The following PDGFRB variants were observed in gnomAD, a reference collection of about 807,000 sequenced individuals.
PDGFRB encodes the protein platelet derived growth factor receptor beta.
Under a neutral mutation model 120.2 loss-of-function variants are expected in PDGFRB, and 42 were observed. That is an observed-to-expected ratio of 0.35 (90% confidence interval 0.27 to 0.45). The LOEUF (loss-of-function observed/expected upper bound fraction) is 0.45. Ranked by LOEUF, PDGFRB falls within the 20% of genes least tolerant of loss-of-function variation. The pLI is 1.00. For synonymous variants in PDGFRB, 586 were observed against 606.8 expected, an observed-to-expected ratio of 0.97 and a Z score of 0.50; for missense variants, 1,149 against 1,476.3, an observed-to-expected ratio of 0.78 and a Z score of 3.63.
intron 10 of PDGFRB, among the ~76,000 whole-genome samples, chr5:150,128,441 C>T (rs1251072860): frequency 6.6e-6 from 1 of 152,262 alleles, no homozygotes; most frequent in Non-Finnish European, 1.5e-5. Flanking sequence ...CAAGATGCCT[C>T]ACATGGCCTT....
intron 4 of PDGFRB, 157 bp from the exon 5 acceptor site, chr5:150,134,165 G>A (rs542866274): frequency 1.4e-6 from 1 of 691,642 alleles, no homozygotes; most frequent in African/African-American, 1.7e-5. Flanking sequence ...TACATGCCAA[G>A]TACTATTCTG....
chr5:150,140,406 C>T (rs932534552), intron 1 of PDGFRB, among the ~76,000 whole-genome samples: 1 of 152,164 alleles, frequency 6.6e-6, no homozygotes, highest in African/African-American at 2.4e-5. Context: ...CCCAGGGAGG[C>T]CTCTAGAGCA....
intron 22 of PDGFRB, 142 bp downstream of exon 22, chr5:150,117,476 G>T: frequency 1.7e-6 from 1 of 574,158 alleles, no homozygotes; most frequent in Non-Finnish European, 3.1e-6. Context: ...TCTATTCATT[G>T]GTAGGGATAA....
At chr5:150,116,016 A>T (rs1437611825) in intron 22 of PDGFRB, 70 bp from the exon 23 acceptor site, 7 of 1,415,432 alleles carry the variant, frequency 4.9e-6, no homozygotes, top group Non-Finnish European at 6.7e-6. Context: ...AGTCATGAAG[A>T]GCCTTCGGTG....
intron 1 of PDGFRB, among the ~76,000 whole-genome samples, chr5:150,152,377 C>G (rs529220870): frequency 6.6e-6 from 1 of 152,294 alleles, no homozygotes; most frequent in East Asian, 1.9e-4. Flanking sequence ...TCATCATGCT[C>G]ACACTGCTTC....
chr5:150,140,872 C>T (rs72832182), intron 1 of PDGFRB, among the ~76,000 whole-genome samples: 12,846 of 152,214 alleles, frequency 0.084, 701 homozygotes, highest in East Asian at 0.24. Context: ...GTACAATTCT[C>T]CACTCCTTTC....
At chr5:150,138,256 T>C (rs1760692473) in intron 1 of PDGFRB, among the ~76,000 whole-genome samples, 1 of 152,180 alleles carries the variant, frequency 6.6e-6, no homozygotes, top group South Asian at 2.1e-4. Context: ...CTGCCCAGCC[T>C]GGCCTGCCTC....
intron 22 of PDGFRB, among the ~76,000 whole-genome samples, chr5:150,116,222 G>C (rs1360601561): frequency 1.3e-5 from 2 of 152,176 alleles, no homozygotes; most frequent in Non-Finnish European, 2.9e-5. Flanking sequence ...TCACCCACCA[G>C]CATCTCCCTC....
At chr5:150,124,608 G>A (rs1408971147) in intron 13 of PDGFRB, 119 bp downstream of exon 13, 2 of 629,832 alleles carry the variant, frequency 3.2e-6, no homozygotes, top group African/African-American at 3.7e-5. Flanking sequence ...CTGCTGCAGT[G>A]TGATGGCCCC....
chr5:150,117,517 C>G (rs1244721091), intron 22 of PDGFRB, 101 bp downstream of exon 22: 3 of 690,778 alleles, frequency 4.3e-6, no homozygotes, highest in South Asian at 1.8e-5. Context: ...ACCTCTGAGG[C>G]AAACCTGGCA....
At position 150,129,816 on chromosome 5, in the gene PDGFRB, C is replaced by T. The variant is rs145823245; in HGVS notation, c.1520G>A (p.Arg507His). 444 of 1,614,030 alleles carry T rather than the reference C, an allele frequency of 2.8e-4. 2 individuals carry two copies. The highest frequency in any genetic ancestry group is 1.3e-3 in the South Asian group (118 of 91,082). Reference protein sequence around the residue: ...LQHVDRPLSVRCTLRNAVGQD... With the variant: ...LQHVDRPLSVHCTLRNAVGQD... ...GCCCACAGCGTTGCGCAGCGTGCAG[C>T]GCACCGACAGTGGCCGATCCACGTG... is the stretch of plus-strand genomic sequence containing the variant. The change falls in exon 10 of 23, where the codon CGC becomes CAC. Residue 507 changes from arginine (R) to histidine (H), a missense_variant. Physicochemically the swap from Arg to His is conservative, Grantham distance 29. Transcript: ENST00000261799.
Position 150,119,956 on chromosome 5 carries a change from G to A in PDGFRB, c.2698+56C>T, listed in dbSNP as rs1368351859. On this transcript the variant is annotated intron_variant, in intron 19 of 22. Coordinates refer to ENST00000261799, the MANE Select transcript of PDGFRB (RefSeq NM_002609.4). Reference sequence around the variant, plus strand: ...GCCCCACCAGGCCAGAGGCATGAGTGGTCGAGGTAGACACCAGGCCAGGAT... The same window carrying A: ...GCCCCACCAGGCCAGAGGCATGAGTAGTCGAGGTAGACACCAGGCCAGGAT... 5.6e-6 allele frequency: 5 copies of A among 894,772 alleles called. No homozygotes were observed. The East Asian group carries it at 9.6e-5, about 17-fold the overall frequency. 55.4% of individuals were successfully genotyped at this position (894,772 alleles called of 1,614,324 possible). A position where few individuals can be genotyped will look rare whatever the true frequency, so the allele number is the denominator to read the frequency against.
At position 150,114,802 on chromosome 5, in the gene PDGFRB, C is replaced by T. The variant is rs193195949; in HGVS notation, c.*961G>A. 1.9e-4 allele frequency: 45 copies of T among 233,554 alleles called. No homozygotes were observed. The highest frequency in any genetic ancestry group is 1.5e-3 in the Admixed American group (27 of 17,772). 14.5% of individuals were successfully genotyped at this position (233,554 alleles called of 1,614,324 possible). ...GCAAGGCACTCAGAGTTAATAAGTC[C>T]GACTTATTCATTTTTTGAAGGGGAA... On this transcript the variant is annotated 3_prime_UTR_variant, in exon 23 of 23. Coordinates refer to ENST00000261799, the MANE Select transcript of PDGFRB (RefSeq NM_002609.4).
chr5:150,119,580 G>A lies in PDGFRB; in HGVS notation c.2699-14C>T, dbSNP rs369910127. ...AAGGGGTGCCACCTGTTGGGGAGCA[G>A]AGACAAGAGATACACAGGCTCAGGG... is the stretch of plus-strand genomic sequence containing the variant. On this transcript the variant is annotated splice_polypyrimidine_tract_variant and intron_variant, in intron 19 of 22. Coordinates refer to ENST00000261799, the MANE Select transcript of PDGFRB (RefSeq NM_002609.4). 9 of 1,504,344 alleles carry A rather than the reference G, an allele frequency of 6.0e-6. No homozygotes were observed. The highest frequency in any genetic ancestry group is 7.4e-6 in the Non-Finnish European group (8 of 1,079,720). The allele number at this position is 1,504,344 out of a possible 1,614,324, so 93.2% of individuals were successfully genotyped here. A position where few individuals can be genotyped will look rare whatever the true frequency, so the allele number is the denominator to read the frequency against.
chr5:150,137,984 G>A (rs897222668), intron 1 of PDGFRB, among the ~76,000 whole-genome samples: 2 of 152,200 alleles, frequency 1.3e-5, no homozygotes, highest in Admixed American at 6.5e-5. Flanking sequence ...CAGAAGCAAG[G>A]ACAAAGACAG....
intron 1 of PDGFRB, among the ~76,000 whole-genome samples, chr5:150,141,353 C>T (rs1760779033): frequency 6.6e-6 from 1 of 152,258 alleles, no homozygotes; most frequent in African/African-American, 2.4e-5. Flanking sequence ...GCCCGTGTTA[C>T]TGCACCAGGA....
chr5:150,142,784 CAAT>C (rs1014257066), intron 1 of PDGFRB, among the ~76,000 whole-genome samples: 8 of 152,012 alleles, frequency 5.3e-5, no homozygotes, highest in Non-Finnish European at 8.8e-5. Flanking sequence ...AGATGAACAA[CAAT>C]AATAATAAAA....
chr5:150,115,731 G>C lies in PDGFRB; in HGVS notation c.*32C>G, dbSNP rs762746736. On this transcript the variant is annotated 3_prime_UTR_variant, in exon 23 of 23. Coordinates refer to ENST00000261799, the MANE Select transcript of PDGFRB (RefSeq NM_002609.4). ...GATGCTGGGTGCTGGCAGGGGGGGAGCTTCAGGCAGGGCAGGGTAGGGGCC... is the reference window on the plus strand; with the variant it reads ...GATGCTGGGTGCTGGCAGGGGGGGACCTTCAGGCAGGGCAGGGTAGGGGCC... 9.1e-6 allele frequency: 14 copies of C among 1,532,824 alleles called. No individual in the cohort carries two copies. The South Asian group carries it at 1.8e-4, about 19-fold the overall frequency. 95.0% of individuals were successfully genotyped at this position (1,532,824 alleles called of 1,614,324 possible). A position where few individuals can be genotyped will look rare whatever the true frequency, so the allele number is the denominator to read the frequency against.
chr5:150,142,054 G>A (rs12514552), intron 1 of PDGFRB, among the ~76,000 whole-genome samples: 2 of 152,104 alleles, frequency 1.3e-5, no homozygotes, highest in African/African-American at 4.8e-5. Context: ...AGGAGGCCTG[G>A]CCATGGGGTT....
Sources: gnomAD v4.1 joint callset for allele counts (sites outside exome capture counted in the v4.1 genomes callset) on GRCh38, gnomAD v4.1.1 for gene constraint, MANE v1.5 for transcripts, NCBI Gene and HGNC (gene_info 2026-07-23, HGNC 2026-07-21) for gene names.